The following ARHGAP24 variants were observed in gnomAD, a reference collection of about 807,000 sequenced individuals.
The protein encoded by ARHGAP24 is Rho GTPase activating protein 24.
Under a neutral mutation model 76.4 loss-of-function variants are expected in ARHGAP24, and 50 were observed. The observed-to-expected ratio is 0.65, with a 90% CI of 0.52 to 0.83. The LOEUF (loss-of-function observed/expected upper bound fraction) is 0.83. Among genes scored for constraint, ARHGAP24 ranks in the 40% least tolerant of loss-of-function variants. The pLI is 0.00. For missense variants in ARHGAP24, 930 were observed against 914.2 expected (o/e 1.02, Z -0.22); for synonymous variants, 345 against 323.3 (o/e 1.07, Z -0.72).
At chr4:85,970,567 C>T (rs1161376410) in intron 5 of ARHGAP24, among the ~76,000 whole-genome samples, 2 of 151,998 alleles carry the variant, frequency 1.3e-5, no homozygotes, top group Non-Finnish European at 2.9e-5. Context: ...TGGAATCAGC[C>T]CATGGGCCCA....
chr4:85,497,822 A>G (rs968273486), intron 1 of ARHGAP24, among the ~76,000 whole-genome samples: 5 of 152,098 alleles, frequency 3.3e-5, no homozygotes, highest in African/African-American at 1.2e-4. Context: ...CTCAGTCTGG[A>G]AAAAAACAAA....
intron 3 of ARHGAP24, among the ~76,000 whole-genome samples, chr4:85,815,343 C>A (rs143943671): frequency 0.015 from 2,302 of 152,288 alleles, 61 homozygotes; most frequent in African/African-American, 0.053. Context: ...GGCTGCAAAT[C>A]TTCTGAACTT....
chr4:85,819,004 G>T (rs1471923284), intron 3 of ARHGAP24, among the ~76,000 whole-genome samples: 1 of 152,176 alleles, frequency 6.6e-6, no homozygotes, highest in Non-Finnish European at 1.5e-5. Context: ...GGCTTATGGA[G>T]GGAGGTAGTT....
intron 2 of ARHGAP24, among the ~76,000 whole-genome samples, chr4:85,665,565 A>T (rs1381747036): frequency 6.6e-6 from 1 of 152,138 alleles, no homozygotes; most frequent in African/African-American, 2.4e-5. Context: ...TTATGATGTT[A>T]GCTGGTTATT....
chr4:85,775,691 A>C (rs183377605), intron 3 of ARHGAP24, among the ~76,000 whole-genome samples: 1 of 152,114 alleles, frequency 6.6e-6, no homozygotes. Flanking sequence ...TCAGTAGGAA[A>C]GATAAACTGA....
chr4:85,754,021 A>G (rs1560616569), intron 3 of ARHGAP24, among the ~76,000 whole-genome samples: 1 of 152,084 alleles, frequency 6.6e-6, no homozygotes, highest in Non-Finnish European at 1.5e-5. Context: ...TATTTTTTCT[A>G]TCTAACTCTG....
chr4:85,842,316 G>A (rs895737690), intron 3 of ARHGAP24, among the ~76,000 whole-genome samples: 5 of 151,866 alleles, frequency 3.3e-5, no homozygotes, highest in Admixed American at 6.6e-5. Context: ...CAAAACACTG[G>A]ATTCAAATCC....
At chr4:85,627,150 T>C (rs1316712815) in intron 2 of ARHGAP24, among the ~76,000 whole-genome samples, 2 of 152,196 alleles carry the variant, frequency 1.3e-5, no homozygotes, top group African/African-American at 2.4e-5. Flanking sequence ...AGAGGCCTTC[T>C]GATTTTTAGA....
chr4:85,564,342 A>G (rs1726720905), intron 1 of ARHGAP24, among the ~76,000 whole-genome samples: 1 of 148,220 alleles, frequency 6.7e-6, no homozygotes, highest in South Asian at 2.2e-4. Flanking sequence ...GAATTGAGCA[A>G]TGAGAACACT....
chr4:85,614,503 T>C (rs1331749282), intron 2 of ARHGAP24, among the ~76,000 whole-genome samples: 2 of 152,210 alleles, frequency 1.3e-5, no homozygotes, highest in African/African-American at 4.8e-5. Flanking sequence ...CTATGTATTA[T>C]AATAGCTGCT....
intron 2 of ARHGAP24, among the ~76,000 whole-genome samples, chr4:85,683,187 T>C (rs2110012089): frequency 6.8e-6 from 1 of 147,094 alleles, no homozygotes; most frequent in East Asian, 2.2e-4. Context: ...AACAAAAACA[T>C]GGCAGTTCTT....
intron 1 of ARHGAP24, among the ~76,000 whole-genome samples, chr4:85,544,284 A>G (rs1267512861): frequency 6.6e-6 from 1 of 152,190 alleles, no homozygotes; most frequent in Admixed American, 6.5e-5. Flanking sequence ...TATTTCCTCA[A>G]TGATTTGTTA....
chr4:85,519,949 A>T (rs534016758), intron 1 of ARHGAP24, among the ~76,000 whole-genome samples: 11 of 152,232 alleles, frequency 7.2e-5, no homozygotes, highest in African/African-American at 2.6e-4. Context: ...GAGGTTTTTG[A>T]AGTCACTTTT....
At chr4:85,895,984 G>A (rs1455443800) in intron 3 of ARHGAP24, among the ~76,000 whole-genome samples, 1 of 152,188 alleles carries the variant, frequency 6.6e-6, no homozygotes, top group African/African-American at 2.4e-5. Flanking sequence ...TTCCATGGTA[G>A]AGGGTACTTC....
intron 1 of ARHGAP24, among the ~76,000 whole-genome samples, chr4:85,498,084 A>G (rs1476738039): frequency 6.6e-6 from 1 of 152,216 alleles, no homozygotes; most frequent in East Asian, 1.9e-4. Flanking sequence ...GCACAAGCTA[A>G]TAGTTTATTT....
At chr4:85,560,663 C>T (rs911786757) in intron 1 of ARHGAP24, among the ~76,000 whole-genome samples, 6 of 152,172 alleles carry the variant, frequency 3.9e-5, no homozygotes, top group African/African-American at 1.4e-4. Context: ...TGTTGTGCTT[C>T]ATTTAATTCC....
intron 2 of ARHGAP24, among the ~76,000 whole-genome samples, chr4:85,665,812 A>G (rs1157720605): frequency 6.6e-6 from 1 of 152,234 alleles, no homozygotes; most frequent in East Asian, 1.9e-4. Context: ...TGGGTTGAAA[A>G]TTCTTTTCTT....
chr4:85,982,748 GT>G (rs1739744120), intron 8 of ARHGAP24, among the ~76,000 whole-genome samples: 2 of 152,162 alleles, frequency 1.3e-5, no homozygotes, highest in African/African-American at 4.8e-5. Flanking sequence ...TTTTTTGTGT[GT>G]TTTTTTAACT....
At chr4:85,578,256 C>A (rs562772100) in intron 2 of ARHGAP24, among the ~76,000 whole-genome samples, 1 of 152,170 alleles carries the variant, frequency 6.6e-6, no homozygotes, top group Non-Finnish European at 1.5e-5. Context: ...AATACTTGAC[C>A]TGCCATCATT....
Sources: allele counts gnomAD v4.1 joint callset (sites outside exome capture counted in the v4.1 genomes callset), GRCh38; gene constraint gnomAD v4.1.1; transcripts MANE v1.5; gene names NCBI Gene and HGNC (gene_info 2026-07-23, HGNC 2026-07-21).